TJP2: variants seen among roughly 807,000 people sequenced by gnomAD.
TJP2 encodes Friedreich ataxia region gene X104 (tight junction protein ZO-2).
TJP2 carries 91 observed loss-of-function variants against 133.1 expected under a neutral mutation model. The observed-to-expected ratio is 0.68, with a 90% confidence interval of 0.58 to 0.81. The LOEUF is 0.81. Among genes scored for constraint, TJP2 ranks in the 40% least tolerant of loss-of-function variants. The pLI, the probability that TJP2 is intolerant of heterozygous loss-of-function variation, is 0.00. For synonymous variants in TJP2, 592 were observed against 583.4 expected, an observed-to-expected ratio of 1.01 and a Z score of -0.21; for missense variants, 1,541 against 1,565.6, an observed-to-expected ratio of 0.98 and a Z score of 0.26.
At chr9:69,193,667 A>C (rs1588020447) in intron 1 of TJP2, among the ~76,000 whole-genome samples, 1 of 73,452 alleles carries the variant, frequency 1.4e-5, no homozygotes, top group East Asian at 3.5e-4. Context: ...GCTATTTCAA[A>C]CACCTGAACT....
At chr9:69,207,386 T>G (rs1214228385) in intron 1 of TJP2, among the ~76,000 whole-genome samples, 1 of 152,246 alleles carries the variant, frequency 6.6e-6, no homozygotes, top group Non-Finnish European at 1.5e-5. Context: ...TCTATGTGAC[T>G]GGTTTGTTCG....
At chr9:69,183,030 C>T (rs1825624748) in intron 1 of TJP2, among the ~76,000 whole-genome samples, 1 of 151,734 alleles carries the variant, frequency 6.6e-6, no homozygotes, top group Non-Finnish European at 1.5e-5. Flanking sequence ...CTCCTGATCT[C>T]GGGTGATCCA....
chr9:69,175,341 C>T (rs1231438871), intron 1 of TJP2, among the ~76,000 whole-genome samples: 1 of 152,176 alleles, frequency 6.6e-6, no homozygotes, highest in East Asian at 1.9e-4. Flanking sequence ...GGAATCCCAG[C>T]GGGGAGGAGG....
chr9:69,149,491 A>G (rs1388345753), intron 1 of TJP2, among the ~76,000 whole-genome samples: 1 of 152,182 alleles, frequency 6.6e-6, no homozygotes, highest in African/African-American at 2.4e-5. Flanking sequence ...GGAGAAGGGA[A>G]ATGTGCCTCC....
At chr9:69,229,399 A>C (rs1430026890) in intron 10 of TJP2, 149 bp downstream of exon 10, 1 of 792,324 alleles carries the variant, frequency 1.3e-6, no homozygotes, top group Non-Finnish European at 2.3e-6. Flanking sequence ...AGTGCTTATG[A>C]GAAAGAGGAA....
intron 11 of TJP2, among the ~76,000 whole-genome samples, chr9:69,231,564 A>C (rs1029924131): frequency 6.6e-6 from 1 of 152,232 alleles, no homozygotes; most frequent in Admixed American, 6.5e-5. Context: ...AAGTTCTAGA[A>C]TTCTCAAGGA....
intron 1 of TJP2, among the ~76,000 whole-genome samples, chr9:69,181,528 A>C (rs985025430): frequency 1.3e-5 from 2 of 152,186 alleles, no homozygotes; most frequent in Non-Finnish European, 2.9e-5. Flanking sequence ...GATTATAGGC[A>C]TGAGCCACCT....
chr9:69,241,025 C>T (rs1360707645), intron 17 of TJP2, among the ~76,000 whole-genome samples: 3 of 152,080 alleles, frequency 2.0e-5, no homozygotes, highest in East Asian at 3.9e-4. Context: ...GGATTATAGA[C>T]AGGACAAGAC....
At chr9:69,204,757 G>A (rs1021859623) in intron 1 of TJP2, 1 of 939,130 alleles carries the variant, frequency 1.1e-6, no homozygotes, top group Admixed American at 6.1e-5. Context: ...GTGTATCAGA[G>A]GGTCTATACT....
In TJP2 at chr9:69,220,977, G is replaced by A. The variant is rs1265003624; in HGVS notation, c.433G>A (p.Glu145Lys). Residue 145 changes from glutamate (E) to lysine (K), a missense_variant, in exon 5 of 23, where the codon GAG becomes AAG. Glu to Lys is a moderately conservative substitution (Grantham distance 56, BLOSUM62 1). Transcript: ENST00000377245. ...QDDRAFEVMD[E>K]FDGRSFRSGY... is the part of the protein sequence containing the mutation. ...TGACCGGGCTTTTGAGGTGATGGAC[G>A]AGTTTGATGGCAGAAGTTTCCGGAG... 6 of 1,612,840 alleles carry A rather than the reference G, an allele frequency of 3.7e-6. No homozygotes were observed. Among genetic ancestry groups the A allele is most frequent in the Non-Finnish European group, 4.2e-6 (5 of 1,179,888 alleles).
chr9:69,221,126 C>T lies in TJP2; in HGVS notation c.582C>T (p.Asp194=), dbSNP rs1057515612. Residue 194 remains aspartate, a synonymous_variant, in exon 5 of 23, where the codon GAC becomes GAT. Transcript: ENST00000377245. The stretch of plus-strand genomic sequence containing the variant: ...GCCGGGAGCGGGACCTCAGCCGGGA[C>T]CGGAGCCGTGGCCGGAGCCTGGAGC... The part of the protein sequence containing the change: ...ARSRERDLSR[D]RSRGRSLERG... 1.9e-6 allele frequency: 3 copies of T among 1,587,786 alleles called. No individual in the cohort carries two copies. The highest frequency in any genetic ancestry group is 2.3e-5 in the East Asian group (1 of 43,408).
At position 69,221,060 on chromosome 9, in the gene TJP2, G is replaced by A. The variant is rs1488401456; in HGVS notation, c.516G>A (p.Glu172=). ...ATGGGGGGCGCAGCCGCAGCTGGGA[G>A]GACAGCCCGGAAAGGGGGCGTCCCC... The part of the protein sequence containing the change: ...NSHGGRSRSW[E]DSPERGRPHE... Residue 172 remains glutamate (E), a synonymous_variant, in exon 5 of 23, where the codon GAG becomes GAA. Transcript: ENST00000377245. 2 of 1,599,356 alleles carry A rather than the reference G, an allele frequency of 1.3e-6. No homozygotes were observed. The highest frequency in any genetic ancestry group is 1.7e-6 in the Non-Finnish European group (2 of 1,173,598).
intron 2 of TJP2, among the ~76,000 whole-genome samples, chr9:69,161,599 A>G (rs1359177134): frequency 1.3e-5 from 2 of 152,118 alleles, no homozygotes; most frequent in African/African-American, 4.8e-5. Flanking sequence ...GATGTCACCT[A>G]TGGGTGATCA....
intron 1 of TJP2, among the ~76,000 whole-genome samples, chr9:69,206,233 G>A (rs1827393352): frequency 3.3e-5 from 5 of 152,046 alleles, no homozygotes. Context: ...CCTCCTAATG[G>A]ATAGAATGTT....
At chr9:69,191,958 G>A (rs1055927482) in intron 1 of TJP2, among the ~76,000 whole-genome samples, 4 of 151,710 alleles carry the variant, frequency 2.6e-5, no homozygotes, top group Admixed American at 6.6e-5. Context: ...GGCTGGTCTC[G>A]AACTCCTAAC....
chr9:69,193,369 T>C (rs1826336744), intron 1 of TJP2, among the ~76,000 whole-genome samples: 1 of 152,058 alleles, frequency 6.6e-6, no homozygotes, highest in African/African-American at 2.4e-5. Flanking sequence ...TGGCCTTTGA[T>C]GATTTCCTAT....
intron 1 of TJP2, among the ~76,000 whole-genome samples, chr9:69,142,469 G>A (rs749141873): frequency 1.3e-4 from 20 of 152,104 alleles, no homozygotes; most frequent in Non-Finnish European, 1.5e-4. Context: ...TATTAAGGAG[G>A]AGAGAAATGA....
At chr9:69,138,159 C>T (rs937624931) in intron 1 of TJP2, among the ~76,000 whole-genome samples, 11 of 152,114 alleles carry the variant, frequency 7.2e-5, no homozygotes, top group Non-Finnish European at 1.3e-4. Context: ...ACCAACGTTC[C>T]GCCCGTTCCA....
At chr9:69,231,632 A>G (rs1394739409) in intron 11 of TJP2, among the ~76,000 whole-genome samples, 1 of 150,714 alleles carries the variant, frequency 6.6e-6, no homozygotes, top group Non-Finnish European at 1.5e-5. Flanking sequence ...GCCCCGTTGC[A>G]GTATTTCAGA....
Sources: allele counts gnomAD v4.1 joint callset (sites outside exome capture counted in the v4.1 genomes callset), GRCh38; gene constraint gnomAD v4.1.1; transcripts MANE v1.5; gene names NCBI Gene and HGNC (gene_info 2026-07-23, HGNC 2026-07-21).